The following XPO1 variants were observed in gnomAD, a reference collection of about 807,000 sequenced individuals.
XPO1 encodes the protein exportin-1.
In XPO1, 5 loss-of-function variants were observed where a neutral mutation model predicts 133.3. That is an observed-to-expected ratio of 0.04 (90% CI 0.02 to 0.08). The LOEUF is 0.08. Among genes scored for constraint, XPO1 ranks in the 10% least tolerant of loss-of-function variants. The probability of loss-of-function intolerance (pLI) is 1.00; values close to 1 mark genes in which losing one functional copy is unlikely to be tolerated. For missense variants in XPO1, 506 were observed against 1,267.5 expected (o/e 0.40, Z 9.12); for synonymous variants, 419 against 408.2 (o/e 1.03, Z -0.32).
At chr2:61,483,896 G>T in intron 21 of XPO1, 41 bp downstream of exon 21, 1 of 1,589,324 alleles carries the variant, frequency 6.3e-7, no homozygotes, top group Non-Finnish European at 8.6e-7. Flanking sequence ...TTGTATTTTT[G>T]GATTGGCAGG....
rs1185385724 is a variant in XPO1 at position 61,486,061 on chromosome 2, T to C, written c.2314-99A>G. On this transcript the variant is annotated intron_variant, in intron 19 of 24. Coordinates refer to ENST00000401558, the MANE Select transcript of XPO1 (RefSeq NM_003400.4). ...CTGTCTATGAGATGTAGCATGATCA[T>C]CTACTGAAAACAGGAAAATCTTGTG... 3.6e-6 allele frequency: 4 copies of C among 1,110,308 alleles called. No individual in the cohort carries two copies. In the African/African-American group the frequency reaches 5.4e-5, roughly 15 times the overall value. The allele number at this position is 1,110,308 out of a possible 1,614,324, so 68.8% of individuals were successfully genotyped here. A position where few individuals can be genotyped will look rare whatever the true frequency, so the allele number is the denominator to read the frequency against.
At chr2:61,522,983 G>A (rs1345636569) in intron 3 of XPO1, among the ~76,000 whole-genome samples, 1 of 152,158 alleles carries the variant, frequency 6.6e-6, no homozygotes, top group East Asian at 1.9e-4. Context: ...TCTGTCGAAG[G>A]AAAAGTAGCA....
At chr2:61,486,487 T>C (rs945530084) in intron 19 of XPO1, among the ~76,000 whole-genome samples, 3 of 152,020 alleles carry the variant, frequency 2.0e-5, no homozygotes, top group Non-Finnish European at 4.4e-5. Context: ...GACGGAGTCT[T>C]GCTCTGTCGC....
rs1249277614 is a variant in XPO1 at position 61,478,957 on chromosome 2, C to T, written c.3079G>A (p.Gly1027Ser). The change falls in exon 25 of 25, where the codon GGT becomes AGT. Residue 1027 changes from glycine (G) to serine (S), a missense_variant. By Grantham distance (56) the Gly-to-Ser change is moderately conservative (BLOSUM62 0). Around this residue, in one of 6 missense-constraint regions of XPO1, gnomAD observed 203 missense variants for 365.9 expected, o/e 0.55. Transcript: ENST00000401558. ...DFLVQIKEFAGEDTSDLFLEE... is the reference protein window; with the variant it reads ...DFLVQIKEFASEDTSDLFLEE... Reference sequence around the variant, plus strand: ...AAAAACAAATCAGAAGTGTCTTCACCTGCAAATTCCTGTGAAAACAGATAG... The same window carrying T: ...AAAAACAAATCAGAAGTGTCTTCACTTGCAAATTCCTGTGAAAACAGATAG... The T allele has an allele frequency of 2.5e-6, 4 of 1,611,066 alleles. No individual in the cohort carries two copies. The Admixed American group carries it at 5.1e-5, about 20-fold the overall frequency.
intron 3 of XPO1, among the ~76,000 whole-genome samples, chr2:61,524,113 C>T (rs1054569276): frequency 1.3e-5 from 2 of 152,150 alleles, no homozygotes; most frequent in Non-Finnish European, 2.9e-5. Context: ...TAAAAACATA[C>T]TACCCTAAGC....
At chr2:61,515,620 G>A (rs1225258993) in intron 4 of XPO1, among the ~76,000 whole-genome samples, 1 of 152,106 alleles carries the variant, frequency 6.6e-6, no homozygotes, top group Non-Finnish European at 1.5e-5. Context: ...AACACAAACT[G>A]AAATATGAGG....
At position 61,488,275 on chromosome 2, in the gene XPO1, C is replaced by T. The variant is rs774090957; in HGVS notation, c.2207-4G>A. ...GGTTGCTTTGTAACCATTTCACCTA[C>T]AAAACAGAATCAAATGGAATCTAAT... On this transcript the variant is annotated splice_region_variant and splice_polypyrimidine_tract_variant and intron_variant, in intron 18 of 24. Transcript: ENST00000401558. 1 of 1,612,020 alleles carries T rather than the reference C, an allele frequency of 6.2e-7. No individual in the cohort carries two copies. Among genetic ancestry groups the T allele is most frequent in the Non-Finnish European group, 8.5e-7 (1 of 1,178,392 alleles).
rs114795096 is a variant in XPO1 at position 61,502,147 on chromosome 2, T to C, written c.363+102A>G. On this transcript the variant is annotated intron_variant, in intron 5 of 24. Coordinates refer to ENST00000401558, the MANE Select transcript of XPO1 (RefSeq NM_003400.4). ...CAGCTCTACTGTAAATGACTGACTG[T>C]GCATATGTGTGACTATGTGTCTTGA... 4.0e-3 allele frequency: 6,020 copies of C among 1,507,596 alleles called. 20 individuals are homozygous for C. The highest frequency in any genetic ancestry group is 6.0e-3 in the Admixed American group (321 of 53,502). 93.4% of individuals were successfully genotyped at this position (1,507,596 alleles called of 1,614,324 possible).
intron 2 of XPO1, among the ~76,000 whole-genome samples, chr2:61,527,505 A>G (rs1698958849): frequency 6.6e-6 from 1 of 152,126 alleles, no homozygotes; most frequent in Non-Finnish European, 1.5e-5. Flanking sequence ...AACAAAAAAA[A>G]GCACACCTAC....
chr2:61,493,922 C>G lies in XPO1; in HGVS notation c.1217G>C (p.Arg406Thr), dbSNP rs1210626896. Residue 406 changes from arginine to threonine, a missense_variant, in exon 12 of 25, where the codon AGA becomes ACA. Around this residue, in one of 6 missense-constraint regions of XPO1, gnomAD observed 134 missense variants for 261.6 expected, o/e 0.51. Transcript: ENST00000401558. ...GSQHFDVPPR[R>T]QLYLPMLFKV... ...GAATAACATGGGCAAATATAGCTGT[C>G]TCCTGGGAGGAACATCAAAATGTTG... The G allele has an allele frequency of 6.2e-7, 1 of 1,614,130 alleles. No homozygotes were observed. Among genetic ancestry groups the G allele is most frequent in the Non-Finnish European group, 8.5e-7 (1 of 1,179,986 alleles).
chr2:61,491,973 T>TTA, intron 16 of XPO1, 62 bp downstream of exon 16: 1 of 1,572,036 alleles, frequency 6.4e-7, no homozygotes, highest in African/African-American at 1.4e-5. Flanking sequence ...TTTCCATTGA[T>TTA]ACATACAGAT....
At chr2:61,508,461 C>G (rs909723467) in intron 4 of XPO1, among the ~76,000 whole-genome samples, 1 of 152,104 alleles carries the variant, frequency 6.6e-6, no homozygotes, top group Non-Finnish European at 1.5e-5. Flanking sequence ...AATAAAAACA[C>G]AGCAATATCA....
chr2:61,520,477 T>C (rs1698635471), intron 4 of XPO1, among the ~76,000 whole-genome samples: 1 of 151,042 alleles, frequency 6.6e-6, no homozygotes, highest in Non-Finnish European at 1.5e-5. Flanking sequence ...ACACCATCCC[T>C]ACAAAACATT....
intron 2 of XPO1, among the ~76,000 whole-genome samples, chr2:61,532,204 T>C (rs533149412): frequency 6.6e-6 from 1 of 152,120 alleles, no homozygotes; most frequent in Non-Finnish European, 1.5e-5. Flanking sequence ...CTCGGCTCAC[T>C]GCAAGCTCCG....
chr2:61,498,978 T>C (rs560242449), intron 7 of XPO1, 65 bp from the exon 8 acceptor site: 2 of 1,476,136 alleles, frequency 1.4e-6, no homozygotes, highest in South Asian at 2.6e-5. Flanking sequence ...CAGTTATCTA[T>C]AATACTAATA....
intron 6 of XPO1, among the ~76,000 whole-genome samples, chr2:61,500,731 G>A (rs1697472238): frequency 6.6e-6 from 1 of 152,042 alleles, no homozygotes; most frequent in East Asian, 1.9e-4. Context: ...CCTGGGAGGT[G>A]GAGGTTTCAG....
chr2:61,515,064 T>G (rs978128053), intron 4 of XPO1, among the ~76,000 whole-genome samples: 4 of 113,628 alleles, frequency 3.5e-5, no homozygotes, highest in Admixed American at 9.2e-5. Flanking sequence ...GTAGTGTGAC[T>G]GTCTTAAAAA....
At chr2:61,524,189 G>A (rs1698815267) in intron 3 of XPO1, among the ~76,000 whole-genome samples, 1 of 152,046 alleles carries the variant, frequency 6.6e-6, no homozygotes, top group Non-Finnish European at 1.5e-5. Flanking sequence ...GCAATGCACT[G>A]CTTACAATAT....
intron 4 of XPO1, among the ~76,000 whole-genome samples, chr2:61,514,863 T>A (rs1490401789): frequency 6.6e-6 from 1 of 151,824 alleles, no homozygotes; most frequent in South Asian, 2.1e-4. Context: ...TCACCTGAGG[T>A]CGGGAGTTTG....
Sources: allele counts gnomAD v4.1 joint callset (sites outside exome capture counted in the v4.1 genomes callset), GRCh38; gene constraint gnomAD v4.1.1; regional missense constraint gnomAD v4.1.1; transcripts MANE v1.5; gene names NCBI Gene and HGNC (gene_info 2026-07-23, HGNC 2026-07-21).